Variants in ZNF700 observed in about 807,000 individuals in gnomAD.
ZNF700 encodes zinc finger protein 700.
Under a neutral mutation model 65.3 loss-of-function variants are expected in ZNF700, and 38 were observed. The ratio of observed to expected loss-of-function variants is 0.58; its 90% CI spans 0.45 to 0.76. The LOEUF is 0.76. Among genes scored for constraint, ZNF700 ranks in the 30% least tolerant of loss-of-function variants. The pLI, the probability that ZNF700 is intolerant of heterozygous loss-of-function variation, is 0.00. For missense variants in ZNF700, 857 were observed against 888.4 expected (o/e 0.96, Z 0.45); for synonymous variants, 285 against 290.4 (o/e 0.98, Z 0.19).
intron 1 of ZNF700, among the ~76,000 whole-genome samples, chr19:11,927,354 C>G (rs1333125875): frequency 2.0e-5 from 3 of 151,358 alleles, no homozygotes; most frequent in African/African-American, 7.3e-5. Flanking sequence ...GACCCCATCT[C>G]AAAAACCAAA....
chr19:11,934,218 T>C (rs948177417), intron 1 of ZNF700, among the ~76,000 whole-genome samples: 1 of 148,090 alleles, frequency 6.8e-6, no homozygotes, highest in Non-Finnish European at 1.5e-5. Context: ...TTGAGTCTAG[T>C]TTTTGGCAGT....
In ZNF700 at chr19:11,925,107, C is replaced by A; in HGVS notation, c.-104C>A. 7.2e-7 allele frequency: 1 copy of A among 1,391,898 alleles called. No individual in the cohort carries two copies. 86.2% of individuals were successfully genotyped at this position (1,391,898 alleles called of 1,614,324 possible). A position where few individuals can be genotyped will look rare whatever the true frequency, so the allele number is the denominator to read the frequency against. ...ATCCGGAAATGGAGGGGGTCGCTTT[C>A]CTCACCTTCCTCGCTGCGCGGGCGG... is the stretch of plus-strand genomic sequence containing the variant. On this transcript the variant is annotated 5_prime_UTR_variant, in exon 1 of 4. Transcript: ENST00000254321.
intron 1 of ZNF700, among the ~76,000 whole-genome samples, chr19:11,944,529 T>C (rs1972931237): frequency 1.3e-5 from 2 of 152,312 alleles, no homozygotes; most frequent in East Asian, 1.9e-4. Flanking sequence ...TCTGAGCCAA[T>C]TCGTAAGGGC....
At chr19:11,926,656 T>A (rs1197242661) in intron 1 of ZNF700, 1 of 154,452 alleles carries the variant, frequency 6.5e-6, no homozygotes, top group East Asian at 1.9e-4. Flanking sequence ...CCCAAAGTGC[T>A]GGGATTACAG....
chr19:11,932,645 T>TTC (rs934344685), intron 1 of ZNF700, among the ~76,000 whole-genome samples: 1 of 144,068 alleles, frequency 6.9e-6, no homozygotes, highest in African/African-American at 2.8e-5. Context: ...ATTTTTTTTT[T>TTC]TTTTTTTTTT....
chr19:11,926,103 G>C (rs1568288593), intron 1 of ZNF700, among the ~76,000 whole-genome samples: 1 of 152,162 alleles, frequency 6.6e-6, no homozygotes, highest in Non-Finnish European at 1.5e-5. Flanking sequence ...TCTGTTATCT[G>C]CCACTTGATT....
intron 1 of ZNF700, among the ~76,000 whole-genome samples, chr19:11,933,191 G>A (rs1972740623): frequency 6.8e-6 from 1 of 146,578 alleles, no homozygotes; most frequent in Non-Finnish European, 1.5e-5. Flanking sequence ...GCTGAAATGG[G>A]AGGATAGCTT....
At chr19:11,941,123 T>G (rs1033273803) in intron 1 of ZNF700, among the ~76,000 whole-genome samples, 2 of 152,166 alleles carry the variant, frequency 1.3e-5, no homozygotes, top group Non-Finnish European at 2.9e-5. Flanking sequence ...ATTGGTGTGT[T>G]TACAAACCTT....
intron 1 of ZNF700, among the ~76,000 whole-genome samples, chr19:11,942,999 A>G (rs1972908728): frequency 6.6e-6 from 1 of 152,204 alleles, no homozygotes; most frequent in Admixed American, 6.5e-5. Flanking sequence ...AATAGTGGTT[A>G]ATGTAATACA....
Position 11,933,984 on chromosome 19 carries a change from T to C in ZNF700, c.63+8711T>C, listed in dbSNP as rs1057034471. 4.7e-5 allele frequency among the ~76,000 whole-genome samples: 7 copies of C among 148,032 alleles called. 1 individual carries two copies. Among genetic ancestry groups the C allele is most frequent in the African/African-American group, 1.9e-4 (7 of 37,784 alleles). ...AGCCATCATGTCCGGCCACTCATTT[T>C]CTTTCATCACTGAGTAACATTACGT... On this transcript the variant is annotated intron_variant, in intron 1 of 3. Coordinates refer to ENST00000254321, the MANE Select transcript of ZNF700 (RefSeq NM_144566.3).
chr19:11,946,981 T>G, intron 1 of ZNF700, 200 bp from the exon 2 acceptor site: 2 of 1,044,376 alleles, frequency 1.9e-6, no homozygotes, highest in Non-Finnish European at 2.6e-6. Context: ...AGAGTGAAAC[T>G]CTGTCTCAAA....
chr19:11,944,129 A>G (rs1265296135), intron 1 of ZNF700, among the ~76,000 whole-genome samples: 1 of 152,040 alleles, frequency 6.6e-6, no homozygotes, highest in East Asian at 1.9e-4. Context: ...AGAATAAGCT[A>G]ATGGGGCGTT....
chr19:11,941,169 A>G (rs778786932), intron 1 of ZNF700, among the ~76,000 whole-genome samples: 84 of 152,240 alleles, frequency 5.5e-4, no homozygotes, highest in Non-Finnish European at 6.8e-4. Context: ...TGCATTTACA[A>G]TCCCTGGGCT....
rs759444984 is a variant in ZNF700 at position 11,947,546 on chromosome 19, G to C, written c.223G>C (p.Glu75Gln). Residue 75 changes from glutamate to glutamine, a missense_variant, in exon 3 of 4, where the codon GAG (glutamate) becomes CAG (glutamine). By Grantham distance (29) the Glu-to-Gln change is conservative (BLOSUM62 2). Around this residue, in one of 3 missense-constraint regions of ZNF700, gnomAD observed 603 missense variants for 619.9 expected, o/e 0.97. Coordinates refer to ENST00000254321, the MANE Select transcript of ZNF700 (RefSeq NM_144566.3). ...KKWSDQNIEY[E>Q]YQNPRRSFRS... ...ATGGAGTGACCAGAACATTGAATAT[G>C]AGTACCAAAACCCCAGAAGAAGCTT... 1.2e-5 allele frequency: 20 copies of C among 1,613,488 alleles called. No homozygotes were observed. The East Asian group carries it at 3.1e-4, about 25-fold the overall frequency.
chr19:11,949,975 A>C lies in ZNF700; in HGVS notation c.1951A>C (p.Lys651Gln), dbSNP rs1376444066. ...THTGEKPYECKECEKAFCKFS... is the reference protein window; with the variant it reads ...THTGEKPYECQECEKAFCKFS... ...CACTGGAGAGAAACCCTATGAATGTAAGGAATGCGAAAAAGCATTCTGTAA... is the reference window on the plus strand; with the variant it reads ...CACTGGAGAGAAACCCTATGAATGTCAGGAATGCGAAAAAGCATTCTGTAA... Residue 651 changes from lysine to glutamine, a missense_variant, in exon 4 of 4, where the codon AAG (lysine) becomes CAG (glutamine). By Grantham distance (53) the Lys-to-Gln change is moderately conservative. Coordinates refer to ENST00000254321, the MANE Select transcript of ZNF700 (RefSeq NM_144566.3). 6.2e-7 allele frequency: 1 copy of C among 1,614,140 alleles called. No individual in the cohort carries two copies. Among genetic ancestry groups the C allele is most frequent in the Non-Finnish European group, 8.5e-7 (1 of 1,180,018 alleles).
intron 1 of ZNF700, among the ~76,000 whole-genome samples, chr19:11,940,435 G>C (rs1599287745): frequency 6.6e-6 from 1 of 152,140 alleles, no homozygotes; most frequent in East Asian, 1.9e-4. Flanking sequence ...TGGTCTCGCT[G>C]GCTCAGGAGT....
At chr19:11,939,387 T>G (rs977579156) in intron 1 of ZNF700, among the ~76,000 whole-genome samples, 1 of 152,230 alleles carries the variant, frequency 6.6e-6, no homozygotes, top group Non-Finnish European at 1.5e-5. Context: ...TAATCCATCT[T>G]GAATTAATTT....
chr19:11,947,776 T>C (rs1343155274), intron 3 of ZNF700, among the ~76,000 whole-genome samples: 1 of 152,160 alleles, frequency 6.6e-6, no homozygotes, highest in Non-Finnish European at 1.5e-5. Flanking sequence ...GAAGTGGAGA[T>C]AGGAGGATAG....
At chr19:11,937,669 T>C (rs1178670987) in intron 1 of ZNF700, among the ~76,000 whole-genome samples, 2 of 151,848 alleles carry the variant, frequency 1.3e-5, no homozygotes, top group African/African-American at 4.8e-5. Context: ...TTTGTATTTT[T>C]AGTAGAGACG....
Sources: gnomAD v4.1 joint callset for allele counts (sites outside exome capture counted in the v4.1 genomes callset) on GRCh38, gnomAD v4.1.1 for gene constraint, gnomAD v4.1.1 regional missense constraint, MANE v1.5 for transcripts, NCBI Gene and HGNC (gene_info 2026-07-23, HGNC 2026-07-21) for gene names.